Variants in CYRIB observed in about 807,000 individuals in gnomAD.
CYRIB encodes the protein CYFIP-related Rac1 interactor B.
CYRIB carries 8 observed loss-of-function variants against 44.2 expected under a neutral mutation model. That is an observed-to-expected ratio of 0.18 (90% CI 0.11 to 0.33). The LOEUF is 0.33. Among genes scored for constraint, CYRIB ranks in the 10% least tolerant of loss-of-function variants. CYRIB has a pLI of 1.00. For synonymous variants in CYRIB, 131 were observed against 127.2 expected, an observed-to-expected ratio of 1.03 and a Z score of -0.20; for missense variants, 185 against 382.8, an observed-to-expected ratio of 0.48 and a Z score of 4.31.
At chr8:129,884,978 C>T (rs1346384559) in intron 2 of CYRIB, among the ~76,000 whole-genome samples, 1 of 152,180 alleles carries the variant, frequency 6.6e-6, no homozygotes, top group Non-Finnish European at 1.5e-5. Context: ...ACAAAAGGCA[C>T]TTAAATACAT....
intron 1 of CYRIB, among the ~76,000 whole-genome samples, chr8:129,910,856 A>G (rs1398139862): frequency 6.6e-6 from 1 of 152,198 alleles, no homozygotes. Context: ...GCAGTTGTAC[A>G]ATCATAGCTC....
At chr8:129,845,703 C>A (rs1039693034) in intron 11 of CYRIB, among the ~76,000 whole-genome samples, 1 of 152,082 alleles carries the variant, frequency 6.6e-6, no homozygotes, top group African/African-American at 2.4e-5. Flanking sequence ...TGGTAAATAT[C>A]ATTATATAAA....
chr8:130,009,424 C>A (rs540133744), intron 1 of CYRIB, among the ~76,000 whole-genome samples: 2 of 152,070 alleles, frequency 1.3e-5, no homozygotes, highest in Non-Finnish European at 2.9e-5. Flanking sequence ...CCAGCCAACA[C>A]GCCCAGCTAA....
intron 2 of CYRIB, among the ~76,000 whole-genome samples, chr8:129,962,810 A>G (rs912647807): frequency 1.3e-5 from 2 of 152,194 alleles, no homozygotes; most frequent in African/African-American, 4.8e-5. Context: ...ACACTGATTA[A>G]AAACCTACTA....
In CYRIB at chr8:129,880,344, T is replaced by C. The variant is rs989861796; in HGVS notation, c.-10-873A>G. On this transcript the variant is annotated intron_variant, in intron 2 of 11. Transcript: ENST00000519824. ...AATTCATCTTTCACCTTTACCATTA[T>C]GCACCAGCTGTGAAGGGCTAAAGAG... 19 of 969,480 alleles carry C rather than the reference T, an allele frequency of 2.0e-5. No homozygotes were observed. The South Asian group carries it at 6.7e-4, about 34-fold the overall frequency. The allele number at this position is 969,480 out of a possible 1,614,324, so 60.1% of individuals were successfully genotyped here.
intron 1 of CYRIB, among the ~76,000 whole-genome samples, chr8:130,009,533 G>T (rs1166759103): frequency 6.6e-6 from 1 of 152,152 alleles, no homozygotes; most frequent in African/African-American, 2.4e-5. Context: ...CTTCCAAAGT[G>T]CTGGGATTAC....
intron 1 of CYRIB, among the ~76,000 whole-genome samples, chr8:129,991,118 C>T (rs921652856): frequency 3.3e-5 from 4 of 121,640 alleles, no homozygotes; most frequent in Admixed American, 2.1e-4. Context: ...GGCAACAGAG[C>T]GAGACTCTGT....
chr8:129,910,807 AAG>A (rs2077587666), intron 1 of CYRIB, among the ~76,000 whole-genome samples: 8 of 152,134 alleles, frequency 5.3e-5, no homozygotes, highest in Admixed American at 5.2e-4. Context: ...AAAAACAAAC[AAG>A]AGAAACACGG....
chr8:129,972,675 T>C (rs907286951), intron 1 of CYRIB, among the ~76,000 whole-genome samples: 2 of 151,912 alleles, frequency 1.3e-5, no homozygotes, highest in African/African-American at 2.4e-5. Context: ...ATTCATTCCA[T>C]GTACACACAC....
chr8:129,994,850 T>C (rs948117925), intron 1 of CYRIB, among the ~76,000 whole-genome samples: 1 of 152,244 alleles, frequency 6.6e-6, no homozygotes, highest in African/African-American at 2.4e-5. Flanking sequence ...CAAGGCCACG[T>C]CACAGGACGT....
chr8:129,970,348 A>C (rs547379936), intron 2 of CYRIB, among the ~76,000 whole-genome samples: 121 of 152,246 alleles, frequency 7.9e-4, no homozygotes, highest in African/African-American at 2.9e-3. Flanking sequence ...CCCAGGCTCC[A>C]AGAGTCAATG....
intron 1 of CYRIB, 147 bp from the exon 2 acceptor site, chr8:129,971,142 T>C (rs2095672669): frequency 6.6e-6 from 1 of 152,258 alleles, no homozygotes; most frequent in African/African-American, 2.4e-5. Context: ...GTTTGTTTGA[T>C]TGTTTGTTTG....
At chr8:129,853,737 C>T (rs1351123094) in intron 7 of CYRIB, among the ~76,000 whole-genome samples, 2 of 152,210 alleles carry the variant, frequency 1.3e-5, no homozygotes, top group Admixed American at 6.5e-5. Flanking sequence ...AAATGCTATA[C>T]TAGCCAAGGA....
chr8:129,913,091 C>T (rs1287270437), intron 1 of CYRIB, among the ~76,000 whole-genome samples: 1 of 151,828 alleles, frequency 6.6e-6, no homozygotes, highest in Non-Finnish European at 1.5e-5. Context: ...CCGGCCTCAG[C>T]CTCCCACGTA....
intron 2 of CYRIB, among the ~76,000 whole-genome samples, chr8:129,959,418 T>A (rs1158910117): frequency 1.3e-5 from 2 of 152,094 alleles, no homozygotes; most frequent in Non-Finnish European, 2.9e-5. Flanking sequence ...GAAAAATACA[T>A]GTAGAGTACC....
intron 1 of CYRIB, among the ~76,000 whole-genome samples, chr8:129,995,521 A>G (rs1057471960): frequency 2.0e-5 from 3 of 152,238 alleles, no homozygotes; most frequent in Non-Finnish European, 4.4e-5. Flanking sequence ...CCTAAGACCC[A>G]GATGTGCCTG....
chr8:129,949,707 T>TA (rs59626155), intron 2 of CYRIB, among the ~76,000 whole-genome samples: 1,598 of 140,720 alleles, frequency 0.011, 18 homozygotes, highest in South Asian at 0.03. Context: ...CTGTCTCTAC[T>TA]AAAAAAAAAA....
chr8:130,001,084 G>A (rs2096896698), intron 1 of CYRIB, among the ~76,000 whole-genome samples: 1 of 152,200 alleles, frequency 6.6e-6, no homozygotes, highest in African/African-American at 2.4e-5. Flanking sequence ...CAAGTGGGCT[G>A]CATCACACAC....
intron 7 of CYRIB, among the ~76,000 whole-genome samples, chr8:129,852,543 G>A (rs2043862319): frequency 6.6e-6 from 1 of 152,036 alleles, no homozygotes; most frequent in Non-Finnish European, 1.5e-5. Flanking sequence ...ATGTTATGGA[G>A]GACAGAAAAA....
Sources: gnomAD v4.1 joint callset for allele counts (sites outside exome capture counted in the v4.1 genomes callset) on GRCh38, gnomAD v4.1.1 for gene constraint, MANE v1.5 for transcripts, NCBI Gene and HGNC (gene_info 2026-07-23, HGNC 2026-07-21) for gene names.